The following ZDHHC13 variants were observed in gnomAD, a reference collection of about 807,000 sequenced individuals.
ZDHHC13 encodes palmitoyltransferase ZDHHC13.
Under a neutral mutation model 86.0 loss-of-function variants are expected in ZDHHC13, and 85 were observed. That is an observed-to-expected ratio of 0.99 (90% confidence interval 0.83 to 1.18). The LOEUF (loss-of-function observed/expected upper bound fraction) is 1.18, where lower values mean the gene tolerates loss of function less well. ZDHHC13 is among the 50% of genes most tolerant of loss of function. The pLI is 0.00. For missense variants in ZDHHC13, 711 were observed against 730.2 expected (o/e 0.97, Z 0.30); for synonymous variants, 263 against 246.4 (o/e 1.07, Z -0.63).
At chr11:19,147,772 T>TCCCC (rs146892489) in intron 4 of ZDHHC13, 99 bp downstream of exon 4, 48 of 407,844 alleles carry the variant, frequency 1.2e-4, no homozygotes, top group Non-Finnish European at 1.4e-4. Context: ...TGTCTTTTCT[T>TCCCC]CCCCCCCCCC....
intron 16 of ZDHHC13, among the ~76,000 whole-genome samples, chr11:19,175,263 G>C (rs535923348): frequency 6.6e-6 from 1 of 151,602 alleles, no homozygotes; most frequent in South Asian, 2.1e-4. Context: ...GGTGGTGGGC[G>C]CCTATAGTCC....
At chr11:19,153,995 C>T (rs1325895829) in intron 8 of ZDHHC13, among the ~76,000 whole-genome samples, 1 of 152,154 alleles carries the variant, frequency 6.6e-6, no homozygotes, top group Non-Finnish European at 1.5e-5. Flanking sequence ...GATGAATCTT[C>T]TAAAATGTAA....
intron 1 of ZDHHC13, among the ~76,000 whole-genome samples, chr11:19,133,159 T>G (rs1000241728): frequency 6.6e-6 from 1 of 152,192 alleles, no homozygotes; most frequent in African/African-American, 2.4e-5. Flanking sequence ...CTACAAGATA[T>G]GTTTACACAT....
At chr11:19,165,738 C>A (rs542103949) in intron 13 of ZDHHC13, among the ~76,000 whole-genome samples, 1 of 152,264 alleles carries the variant, frequency 6.6e-6, no homozygotes, top group South Asian at 2.1e-4. Flanking sequence ...TTTCTGTGTT[C>A]CCCCTGATTA....
chr11:19,159,227 C>T (rs1849841554), intron 10 of ZDHHC13, among the ~76,000 whole-genome samples, 187 bp downstream of exon 10: 1 of 151,892 alleles, frequency 6.6e-6, no homozygotes, highest in African/African-American at 2.4e-5. Flanking sequence ...TCTCAGAGTA[C>T]ATTATGGAAA....
rs1157851111 is a variant in ZDHHC13, at chr11:19,170,716, T to C, written c.1632+148T>C. The C allele has an allele frequency of 7.7e-6, 6 of 780,416 alleles. No homozygotes were observed. In the African/African-American group the frequency reaches 9.0e-5, roughly 12 times the overall value. The allele number at this position is 780,416 out of a possible 1,614,324, so 48.3% of individuals were successfully genotyped here. On this transcript the variant is annotated intron_variant, in intron 15 of 16. Transcript: ENST00000446113. The stretch of plus-strand genomic sequence containing the variant: ...TCTAGCCATGTCATTTAACCACACT[T>C]GAATTTCAGGTATTTTGTCTGTAAA...
chr11:19,150,587 T>C (rs1849580877), intron 5 of ZDHHC13, 140 bp from the exon 6 acceptor site: 2 of 663,846 alleles, frequency 3.0e-6, no homozygotes, highest in South Asian at 6.3e-5. Context: ...AGCAAAACAT[T>C]CTTTTTATCA....
At chr11:19,165,174 T>A (rs181405952) in intron 13 of ZDHHC13, 29 bp downstream of exon 13, 1 of 1,587,758 alleles carries the variant, frequency 6.3e-7, no homozygotes, top group Non-Finnish European at 8.6e-7. Flanking sequence ...CAATTACTAC[T>A]GTGAAGTTAA....
At position 19,152,192 on chromosome 11, in the gene ZDHHC13, CCTT is replaced by C. The variant is rs1442401273; in HGVS notation, c.622_624del (p.Ser208del). On this transcript the variant is annotated inframe_deletion, in exon 7 of 17. Coordinates refer to ENST00000446113, the MANE Select transcript of ZDHHC13 (RefSeq NM_019028.3). ...AACTGGATTTCTTTTAAAGTTTAAT[CCTT>C]CTCTCAATGTGGTTGATAAAATACA... 2 of 1,613,024 alleles carry C rather than the reference CCTT, an allele frequency of 1.2e-6. No homozygotes were observed. Among genetic ancestry groups the C allele is most frequent in the African/African-American group, 2.7e-5 (2 of 74,874 alleles).
intron 8 of ZDHHC13, among the ~76,000 whole-genome samples, chr11:19,154,390 C>A (rs1849701011): frequency 6.6e-6 from 1 of 151,968 alleles, no homozygotes; most frequent in Non-Finnish European, 1.5e-5. Context: ...TAAAAAAAAT[C>A]TAAACTAGCC....
In ZDHHC13 at chr11:19,117,396, G is replaced by C; in HGVS notation, c.27+120G>C. 3 of 1,066,834 alleles carry C rather than the reference G, an allele frequency of 2.8e-6. No individual in the cohort carries two copies. Among genetic ancestry groups the C allele is most frequent in the Non-Finnish European group, 3.8e-6 (3 of 786,260 alleles). 66.1% of individuals were successfully genotyped at this position (1,066,834 alleles called of 1,614,324 possible). ...GGGGTTTCGGGAGCGGCGGGGCCTAGGTCTGGGAAGCGGGAGCCTGGAAAC... is the reference window on the plus strand; with the variant it reads ...GGGGTTTCGGGAGCGGCGGGGCCTACGTCTGGGAAGCGGGAGCCTGGAAAC... On this transcript the variant is annotated intron_variant, in intron 1 of 16. Coordinates refer to ENST00000446113, the MANE Select transcript of ZDHHC13 (RefSeq NM_019028.3). This position sits in a 1 kb window ranked among gnomAD's most constrained non-coding sequence, Gnocchi z 4.2.
intron 10 of ZDHHC13, among the ~76,000 whole-genome samples, chr11:19,161,716 T>C (rs1590087016): frequency 2.7e-5 from 4 of 150,094 alleles, no homozygotes; most frequent in Admixed American, 2.6e-4. Flanking sequence ...CTGAGTTAAG[T>C]TTAAGAGGGA....
At position 19,117,176 on chromosome 11, in the gene ZDHHC13, C is replaced by G. The variant is rs970745285; in HGVS notation, c.-74C>G. 8 of 1,508,188 alleles carry G rather than the reference C, an allele frequency of 5.3e-6. No individual in the cohort carries two copies. The highest frequency in any genetic ancestry group is 7.1e-6 in the Non-Finnish European group (8 of 1,123,190). 93.4% of individuals were successfully genotyped at this position (1,508,188 alleles called of 1,614,324 possible). On this transcript the variant is annotated 5_prime_UTR_variant, in exon 1 of 17. Transcript: ENST00000446113. The surrounding 1 kb of genome is among the most constrained non-coding windows in gnomAD (Gnocchi z 4.2). ...CAGCAGGAAGTGGGAGAAGAGGCGA[C>G]CCAAGGCGGGCTGGCGGGCTGGCGG...
In ZDHHC13 at chr11:19,164,378, A is replaced by T. The variant is rs764992879; in HGVS notation, c.1296+15A>T. 6 of 1,610,896 alleles carry T rather than the reference A, an allele frequency of 3.7e-6. No individual in the cohort carries two copies. The highest frequency in any genetic ancestry group is 5.1e-6 in the Non-Finnish European group (6 of 1,178,402). On this transcript the variant is annotated intron_variant, in intron 12 of 16. Transcript: ENST00000446113. ...CATCATGTCTTGTGAGTTTTTTCAT[A>T]TAATTTTTTTCCGTAGTGAAAGCAA...
intron 1 of ZDHHC13, among the ~76,000 whole-genome samples, chr11:19,137,250 A>T (rs1849168506): frequency 6.6e-6 from 1 of 152,060 alleles, no homozygotes; most frequent in African/African-American, 2.4e-5. Context: ...AAACAAAAAA[A>T]GGCAGGGGTT....
intron 15 of ZDHHC13, among the ~76,000 whole-genome samples, chr11:19,171,485 G>GAA (rs1850219402): frequency 6.6e-6 from 1 of 152,006 alleles, no homozygotes; most frequent in East Asian, 1.9e-4. Context: ...AAGAAAGAAA[G>GAA]AGAAAAAAGA....
intron 4 of ZDHHC13, 148 bp from the exon 5 acceptor site, chr11:19,149,039 G>A (rs972815348): frequency 3.0e-6 from 2 of 656,988 alleles, no homozygotes; most frequent in African/African-American, 1.9e-5. Context: ...AAAACGTTTG[G>A]ACAATCACCA....
chr11:19,158,003 A>C (rs1033050076), intron 9 of ZDHHC13, among the ~76,000 whole-genome samples: 2 of 152,188 alleles, frequency 1.3e-5, no homozygotes, highest in African/African-American at 4.8e-5. Flanking sequence ...AGTTCATTGC[A>C]TTACCTAATT....
chr11:19,150,568 A>G (rs1245320426), intron 5 of ZDHHC13, among the ~76,000 whole-genome samples, 159 bp from the exon 6 acceptor site: 1 of 152,136 alleles, frequency 6.6e-6, no homozygotes, highest in East Asian at 1.9e-4. Context: ...TTTTTACCCT[A>G]TGGAAGTGAG....
Sources: allele counts gnomAD v4.1 joint callset (sites outside exome capture counted in the v4.1 genomes callset), GRCh38; gene constraint gnomAD v4.1.1; non-coding constraint Gnocchi (gnomAD v3.1); transcripts MANE v1.5; gene names NCBI Gene and HGNC (gene_info 2026-07-23, HGNC 2026-07-21).